LARP1B: variants seen among roughly 807,000 people sequenced by gnomAD.
LARP1B encodes the protein La ribonucleoprotein 1B.
In LARP1B, 76 loss-of-function variants were observed where a neutral mutation model predicts 114.2. The ratio of observed to expected loss-of-function variants is 0.67; its 90% CI spans 0.55 to 0.81. The LOEUF is 0.81. Among genes scored for constraint, LARP1B ranks in the 30% least tolerant of loss-of-function variants. The pLI, the probability that LARP1B is intolerant of heterozygous loss-of-function variation, is 0.00. For missense variants in LARP1B, 1,014 were observed against 1,075.8 expected (o/e 0.94, Z 0.80); for synonymous variants, 345 against 348.0 (o/e 0.99, Z 0.10).
rs997595396 is a variant in LARP1B at position 128,187,482 on chromosome 4, T to C, written c.2003+7970T>C. 1.2e-4 allele frequency among the ~76,000 whole-genome samples: 18 copies of C among 152,260 alleles called. No individual in the cohort carries two copies. In the East Asian group the frequency reaches 1.3e-3, roughly 11 times the overall value. ...CCCTTTCTTTTGGGCTATTTCTTCCTTTTGTGTATTTACCCAAGGCCTATA... is the reference window on the plus strand; with the variant it reads ...CCCTTTCTTTTGGGCTATTTCTTCCCTTTGTGTATTTACCCAAGGCCTATA... On this transcript the variant is annotated intron_variant, in intron 15 of 19. Coordinates refer to ENST00000326639, the MANE Select transcript of LARP1B (RefSeq NM_018078.4).
rs747177826 is a variant in LARP1B at position 128,209,896 on chromosome 4, C to T, written c.2588C>T (p.Ser863Phe). ...SDEFGRKRHSSTSGEESNRHR... is the reference protein window; with the variant it reads ...SDEFGRKRHSFTSGEESNRHR... ...GAATTTGGAAGAAAAAGACATTCCTCTACTTCTGGTGAGGAGAGTAATCGT... is the reference window on the plus strand; with the variant it reads ...GAATTTGGAAGAAAAAGACATTCCTTTACTTCTGGTGAGGAGAGTAATCGT... The change falls in exon 20 of 20, where the codon TCT (serine) becomes TTT (phenylalanine). Residue 863 changes from serine to phenylalanine, a missense_variant. Ser to Phe is a radical substitution (Grantham distance 155). Coordinates refer to ENST00000326639, the MANE Select transcript of LARP1B (RefSeq NM_018078.4). 2 of 1,614,036 alleles carry T rather than the reference C, an allele frequency of 1.2e-6. No homozygotes were observed. Among genetic ancestry groups the T allele is most frequent in the East Asian group, 4.5e-5 (2 of 44,876 alleles).
chr4:128,203,449 C>T (rs1012127970), intron 17 of LARP1B, among the ~76,000 whole-genome samples: 2 of 151,810 alleles, frequency 1.3e-5, no homozygotes, highest in African/African-American at 4.8e-5. Context: ...TCTCGGCTCA[C>T]TGCAACCTCT....
Position 128,114,688 on chromosome 4 carries a change from A to G in LARP1B, c.1107A>G (p.Ser369=). 2 of 1,614,162 alleles carry G rather than the reference A, an allele frequency of 1.2e-6. No homozygotes were observed. The highest frequency in any genetic ancestry group is 2.2e-5 in the East Asian group (1 of 44,874). Residue 369 remains serine (S), a synonymous_variant, in exon 10 of 20, where the codon TCA becomes TCG. Coordinates refer to ENST00000326639, the MANE Select transcript of LARP1B (RefSeq NM_018078.4). ...CTACCAGTTTGCCTGACTTGGACTC[A>G]GAACCTTGGATAGAAGTTAAAAAAA... ...GLSTSLPDLD[S]EPWIEVKKRH... is the part of the protein sequence containing the mutation.
At chr4:128,143,215 G>A (rs2150232925) in intron 11 of LARP1B, among the ~76,000 whole-genome samples, 1 of 152,232 alleles carries the variant, frequency 6.6e-6, no homozygotes, top group Admixed American at 6.5e-5. Context: ...AACCCGGGAG[G>A]TGGAGGTTGC....
chr4:128,163,030 ATATCTAAAAT>A (rs1456101494), intron 12 of LARP1B, among the ~76,000 whole-genome samples: 3 of 152,184 alleles, frequency 2.0e-5, no homozygotes, highest in Admixed American at 2.0e-4. Context: ...GGACATTATC[ATATCTAAAAT>A]TAACAGTAAT....
chr4:128,115,172 A>G (rs1238237307), intron 10 of LARP1B, among the ~76,000 whole-genome samples: 1 of 152,070 alleles, frequency 6.6e-6, no homozygotes, highest in East Asian at 1.9e-4. Context: ...TCCTGACCTC[A>G]TGATCCGCCC....
At chr4:128,196,454 A>C (rs1270363298) in intron 15 of LARP1B, among the ~76,000 whole-genome samples, 1 of 151,750 alleles carries the variant, frequency 6.6e-6, no homozygotes, top group African/African-American at 2.4e-5. Context: ...AGGAGGTTGA[A>C]GCTGCAGTGA....
chr4:128,194,331 G>A (rs1315335332), intron 15 of LARP1B, among the ~76,000 whole-genome samples: 1 of 151,522 alleles, frequency 6.6e-6, no homozygotes, highest in Non-Finnish European at 1.5e-5. Context: ...CTCGGCCTCC[G>A]AAAATGCTGG....
chr4:128,105,328 C>T (rs563775108), intron 8 of LARP1B, among the ~76,000 whole-genome samples: 36 of 152,206 alleles, frequency 2.4e-4, no homozygotes, highest in African/African-American at 8.2e-4. Flanking sequence ...TTTCTTCTGT[C>T]TCTGAGTTCT....
intron 5 of LARP1B, among the ~76,000 whole-genome samples, chr4:128,088,449 T>C (rs1053633380): frequency 6.6e-6 from 1 of 152,150 alleles, no homozygotes; most frequent in Non-Finnish European, 1.5e-5. Flanking sequence ...TGCATGTTGG[T>C]TGTATTACTG....
rs78362670 is a variant in LARP1B at position 128,188,883 on chromosome 4, T to A, written c.2003+9371T>A. ...ATACTTGATATGATTTTGACTTTTT[T>A]AAATTTGTTGAGACATGTTTTGTAG... On this transcript the variant is annotated intron_variant, in intron 15 of 19. Coordinates refer to ENST00000326639, the MANE Select transcript of LARP1B (RefSeq NM_018078.4). Among the ~76,000 whole-genome samples, 1,105 of 152,340 alleles carry A rather than the reference T, an allele frequency of 7.3e-3. 16 individuals are homozygous for A. The highest frequency in any genetic ancestry group is 0.025 in the African/African-American group (1,033 of 41,580).
At chr4:128,143,079 G>T (rs912340010) in intron 11 of LARP1B, among the ~76,000 whole-genome samples, 14 of 152,104 alleles carry the variant, frequency 9.2e-5, no homozygotes, top group African/African-American at 3.1e-4. Flanking sequence ...GAGGTCAAGA[G>T]ATTGAGACCA....
intron 11 of LARP1B, among the ~76,000 whole-genome samples, chr4:128,156,863 TAAAAAAAAAAAAA>T (rs56753518): frequency 5.0e-5 from 4 of 80,782 alleles, no homozygotes; most frequent in Non-Finnish European, 9.2e-5. Flanking sequence ...GGCTTGAAGC[TAAAAAAAAAAAAA>T]AAAAAAAAAA....
intron 7 of LARP1B, among the ~76,000 whole-genome samples, chr4:128,096,667 C>T (rs1778136831): frequency 6.6e-6 from 1 of 151,202 alleles, no homozygotes; most frequent in Non-Finnish European, 1.5e-5. Flanking sequence ...GTGGTGTAAT[C>T]TTGGCTCACT....
Position 128,180,923 on chromosome 4 carries a change from G to A in LARP1B, c.2003+1411G>A, listed in dbSNP as rs574579112. Among the ~76,000 whole-genome samples the A allele has an allele frequency of 9.9e-5, 15 of 152,228 alleles. No homozygotes were observed. The South Asian group carries it at 3.1e-3, about 32-fold the overall frequency. On this transcript the variant is annotated intron_variant, in intron 15 of 19. Transcript: ENST00000326639. ...AATGTCTTGTTTTGAAGTCAGCCTT[G>A]TCTGATATTTATATAATTATGCCAA...
chr4:128,098,013 T>C (rs74287073), intron 7 of LARP1B, among the ~76,000 whole-genome samples, 173 bp from the exon 8 acceptor site: 2,729 of 152,232 alleles, frequency 0.018, 65 homozygotes, highest in East Asian at 0.1. Context: ...TTCAGTAGAG[T>C]TTTTTGCTAT....
Position 128,101,561 on chromosome 4 carries a change from GTT to G in LARP1B, c.813+3245_813+3246del, listed in dbSNP as rs35662647. ...ATATTGTAATTAACAGAGAAAATTA[GTT>G]TTTTTTTTTTTTTGCAAAATTTGCT... On this transcript the variant is annotated intron_variant, in intron 8 of 19. Coordinates refer to ENST00000326639, the MANE Select transcript of LARP1B (RefSeq NM_018078.4). 2.8e-4 allele frequency among the ~76,000 whole-genome samples: 36 copies of G among 128,672 alleles called. No individual in the cohort carries two copies. In the South Asian group the frequency reaches 7.7e-3, roughly 27 times the overall value. The allele number at this position is 128,672 out of a possible 152,430, so 84.4% of individuals were successfully genotyped here. A position where few individuals can be genotyped will look rare whatever the true frequency, so the allele number is the denominator to read the frequency against.
At chr4:128,221,597 G>T (rs1015636314) in intron 7 of LARP1B, among the ~76,000 whole-genome samples, 2 of 152,134 alleles carry the variant, frequency 1.3e-5, no homozygotes, top group African/African-American at 4.8e-5. Context: ...ACAAAATTGA[G>T]TACCTTTCTC....
chr4:128,194,362 G>A (rs1157483388), intron 15 of LARP1B, among the ~76,000 whole-genome samples: 1 of 152,010 alleles, frequency 6.6e-6, no homozygotes, highest in Non-Finnish European at 1.5e-5. Flanking sequence ...GTGAGTTACC[G>A]CGCCCGGCCC....
Sources: gnomAD v4.1 joint callset for allele counts (sites outside exome capture counted in the v4.1 genomes callset) on GRCh38, gnomAD v4.1.1 for gene constraint, MANE v1.5 for transcripts, NCBI Gene and HGNC (gene_info 2026-07-23, HGNC 2026-07-21) for gene names.